The following SPATS2L variants were observed in gnomAD, a reference collection of about 807,000 sequenced individuals.
SPATS2L encodes the protein SPATS2-like protein.
In SPATS2L, 30 loss-of-function variants were observed where a neutral mutation model predicts 59.6. That is an observed-to-expected ratio of 0.50 (90% CI 0.38 to 0.68). SPATS2L has a LOEUF of 0.68. Among genes scored for constraint, SPATS2L ranks in the 30% least tolerant of loss-of-function variants. The pLI, the probability that SPATS2L is intolerant of heterozygous loss-of-function variation, is 0.00. For missense variants in SPATS2L, 615 were observed against 700.0 expected, an observed-to-expected ratio of 0.88 and a Z score of 1.37; for synonymous variants, 252 against 263.5, an observed-to-expected ratio of 0.96 and a Z score of 0.42.
At chr2:200,306,302 G>T (rs938214484), upstream of SPATS2L, 1 of 1,002,418 alleles carries the variant, frequency 1.0e-6, no homozygotes. Flanking sequence ...GGTAGGAGAA[G>T]ATGATTCTCT....
chr2:200,349,489 T>C (rs1388406973), intron 2 of SPATS2L, among the ~76,000 whole-genome samples: 1 of 152,140 alleles, frequency 6.6e-6, no homozygotes, highest in Non-Finnish European at 1.5e-5. Context: ...TACAAAAAAA[T>C]TAGCCGAATG....
intron 2 of SPATS2L, among the ~76,000 whole-genome samples, chr2:200,361,298 G>A (rs1217237673): frequency 6.6e-6 from 1 of 152,082 alleles, no homozygotes; most frequent in African/African-American, 2.4e-5. Flanking sequence ...GAAGAAAAAG[G>A]AGAAAGAAGG....
At chr2:200,370,637 C>T (rs967784254) in intron 2 of SPATS2L, among the ~76,000 whole-genome samples, 2 of 151,996 alleles carry the variant, frequency 1.3e-5, no homozygotes, top group African/African-American at 4.8e-5. Flanking sequence ...TTCTATTATT[C>T]TATATATATT....
chr2:200,355,116 G>A (rs1416097014), intron 2 of SPATS2L, among the ~76,000 whole-genome samples: 1 of 152,020 alleles, frequency 6.6e-6, no homozygotes, highest in African/African-American at 2.4e-5. Flanking sequence ...CATCTCTTTT[G>A]TTTCCCCTCT....
intron 12 of SPATS2L, among the ~76,000 whole-genome samples, chr2:200,473,542 G>A (rs2087245757): frequency 6.6e-6 from 1 of 152,084 alleles, no homozygotes; most frequent in South Asian, 2.1e-4. Flanking sequence ...CTCTTCTCTT[G>A]GGATTTCAGT....
At chr2:200,334,293 T>G (rs2080062203) in intron 2 of SPATS2L, among the ~76,000 whole-genome samples, 1 of 152,236 alleles carries the variant, frequency 6.6e-6, no homozygotes, top group Non-Finnish European at 1.5e-5. Context: ...GCATTTTGGC[T>G]ACATAAATGT....
intron 2 of SPATS2L, among the ~76,000 whole-genome samples, chr2:200,357,896 A>G (rs1414456439): frequency 6.6e-6 from 1 of 152,214 alleles, no homozygotes; most frequent in Non-Finnish European, 1.5e-5. Flanking sequence ...ATGTCATCAA[A>G]TCATCAGTTT....
In SPATS2L at chr2:200,419,639, G is replaced by A. The variant is rs1344498019; in HGVS notation, c.445+143G>A. The stretch of plus-strand genomic sequence containing the variant: ...TACGATTCAGCCTTCCTGAAGCCAG[G>A]ATTGGGGGTGAAGGGGAATGTAACA... On this transcript the variant is annotated intron_variant, in intron 6 of 12. Transcript: ENST00000409140. 3.9e-5 allele frequency: 34 copies of A among 875,928 alleles called. No individual in the cohort carries two copies. The South Asian group carries it at 5.6e-4, about 14-fold the overall frequency. The allele number at this position is 875,928 out of a possible 1,614,324, so 54.3% of individuals were successfully genotyped here.
chr2:200,378,247 T>C (rs759658704), intron 2 of SPATS2L: 212 of 1,002,396 alleles, frequency 2.1e-4, no homozygotes, highest in Non-Finnish European at 2.4e-4. Flanking sequence ...GACTTACTGG[T>C]CACAGTAAAA....
At chr2:200,359,305 T>G (rs2081022106) in intron 2 of SPATS2L, among the ~76,000 whole-genome samples, 1 of 152,202 alleles carries the variant, frequency 6.6e-6, no homozygotes, top group Non-Finnish European at 1.5e-5. Flanking sequence ...ACTCTGATAG[T>G]CTCACTACAG....
intron 2 of SPATS2L, among the ~76,000 whole-genome samples, chr2:200,333,335 CTTTT>C (rs4035264): frequency 7.0e-6 from 1 of 143,576 alleles, no homozygotes; most frequent in Non-Finnish European, 1.5e-5. Context: ...ACATAGCAGT[CTTTT>C]TTTTTTTTTA....
chr2:200,445,809 G>A (rs768157510), intron 8 of SPATS2L, among the ~76,000 whole-genome samples: 5 of 151,338 alleles, frequency 3.3e-5, no homozygotes, highest in Non-Finnish European at 2.9e-5. Flanking sequence ...AGCTGCTTTC[G>A]TGTGATTCCT....
intron 2 of SPATS2L, among the ~76,000 whole-genome samples, chr2:200,345,382 TGAGA>T (rs1439650460): frequency 6.6e-6 from 1 of 152,246 alleles, no homozygotes; most frequent in Admixed American, 6.5e-5. Context: ...TCTGGATAAC[TGAGA>T]GACTTTATAT....
intron 12 of SPATS2L, among the ~76,000 whole-genome samples, chr2:200,473,264 C>T (rs1276923455): frequency 6.6e-6 from 1 of 152,118 alleles, no homozygotes; most frequent in Non-Finnish European, 1.5e-5. Context: ...CAGGTGCTTT[C>T]CCATGTGGAG....
At chr2:200,396,029 A>ATAT (rs1425891230) in intron 3 of SPATS2L, among the ~76,000 whole-genome samples, 1 of 33,920 alleles carries the variant, frequency 2.9e-5, no homozygotes, top group African/African-American at 8.2e-5. Context: ...AAAAAAAAAA[A>ATAT]AAAAATATAT....
chr2:200,418,298 C>T (rs1243310933), intron 5 of SPATS2L, among the ~76,000 whole-genome samples: 4 of 152,074 alleles, frequency 2.6e-5, no homozygotes, highest in Admixed American at 6.6e-5. Context: ...GATGGCAGGG[C>T]GCAGTGGCTT....
chr2:200,389,925 G>A (rs763323831), intron 3 of SPATS2L: 1 of 152,298 alleles, frequency 6.6e-6, no homozygotes, highest in Non-Finnish European at 1.5e-5. Context: ...GCCTTGTAAT[G>A]TTAGCTCTTA....
Position 200,479,843 on chromosome 2 carries a change from C to A in SPATS2L, c.*1812C>A. The stretch of plus-strand genomic sequence containing the variant: ...TGCCAAGTACAGGAGGATGTTTGCT[C>A]TCTCTGTAGAGAGCTTTCTGAGGTC... On this transcript the variant is annotated 3_prime_UTR_variant, in exon 13 of 13. Transcript: ENST00000409140. 2.5e-6 allele frequency: 1 copy of A among 398,062 alleles called. No individual in the cohort carries two copies. The highest frequency in any genetic ancestry group is 1.4e-4 in the South Asian group (1 of 7,404). The allele number at this position is 398,062 out of a possible 1,614,324, so 24.7% of individuals were successfully genotyped here.
intron 1 of SPATS2L, among the ~76,000 whole-genome samples, chr2:200,311,927 A>T (rs1437587969): frequency 6.6e-6 from 1 of 152,124 alleles, no homozygotes; most frequent in Admixed American, 6.6e-5. Context: ...GAATATAAGG[A>T]TGGGGGAAGG....
Sources: gnomAD v4.1 joint callset for allele counts (sites outside exome capture counted in the v4.1 genomes callset) on GRCh38, gnomAD v4.1.1 for gene constraint, MANE v1.5 for transcripts, NCBI Gene and HGNC (gene_info 2026-07-23, HGNC 2026-07-21) for gene names.